The following LMF1 variants were observed in gnomAD, a reference collection of about 807,000 sequenced individuals.
The protein encoded by LMF1 is lipase maturation factor 1.
Under a neutral mutation model 60.6 loss-of-function variants are expected in LMF1, and 68 were observed. That is an observed-to-expected ratio of 1.12 (90% CI 0.92 to 1.37). The LOEUF is 1.37. LMF1 is among the 40% of genes most tolerant of loss of function. The pLI, the probability that LMF1 is intolerant of heterozygous loss-of-function variation, is 0.00. For synonymous variants in LMF1, 418 were observed against 324.7 expected, an observed-to-expected ratio of 1.29 and a Z score of -3.09; for missense variants, 948 against 767.2, an observed-to-expected ratio of 1.24 and a Z score of -2.78.
In LMF1 at chr16:897,828, T is replaced by C. The variant is rs181080756; in HGVS notation, c.664-4756A>G. ...GTCCCGCCTGGCTCCGTGGCTTTCC[T>C]GTCTTCCTGGGATGGTTTCCGCACT... On this transcript the variant is annotated intron_variant, in intron 4 of 10. Coordinates refer to ENST00000262301, the MANE Select transcript of LMF1 (RefSeq NM_022773.4). This position sits in a 1 kb window ranked among gnomAD's most constrained non-coding sequence, Gnocchi z 4.3. 2.1e-3 allele frequency among the ~76,000 whole-genome samples: 326 copies of C among 152,314 alleles called. No individual in the cohort carries two copies. The highest frequency in any genetic ancestry group is 7.5e-3 in the African/African-American group (310 of 41,570).
intron 5 of LMF1, among the ~76,000 whole-genome samples, chr16:889,729 G>A (rs1174368970): frequency 6.6e-6 from 1 of 152,188 alleles, no homozygotes; most frequent in Non-Finnish European, 1.5e-5. Context: ...GCAGGCAGGG[G>A]CCTGCCACCT....
chr16:968,220 C>T (rs1345169989), intron 1 of LMF1, among the ~76,000 whole-genome samples: 2 of 152,222 alleles, frequency 1.3e-5, no homozygotes, highest in Non-Finnish European at 2.9e-5. Context: ...TGGCAGCCGG[C>T]CTCTCCAGGT....
At chr16:979,912 G>A (rs3809673) in intron 1 of LMF1, 15,163 of 374,450 alleles carry the variant, frequency 0.04, 389 homozygotes, top group East Asian at 0.047. Context: ...TGAGGGCCAC[G>A]GAAGGATGCG....
chr16:973,351 AT>A (rs2073082793), upstream of LMF1, among the ~76,000 whole-genome samples: 1 of 152,156 alleles, frequency 6.6e-6, no homozygotes, highest in Non-Finnish European at 1.5e-5. Flanking sequence ...TCTCACTAAA[AT>A]AAAACATAAA....
chr16:934,650 T>G (rs1450252614), intron 2 of LMF1, among the ~76,000 whole-genome samples: 3 of 152,248 alleles, frequency 2.0e-5, no homozygotes, highest in Non-Finnish European at 4.4e-5. Flanking sequence ...AAAGGGATCT[T>G]AAATGAAAGG....
intron 1 of LMF1, chr16:979,592 G>A: frequency 2.2e-6 from 1 of 453,404 alleles, no homozygotes; most frequent in Non-Finnish European, 4.4e-6. Flanking sequence ...GGGTGCTGGA[G>A]TTCCCCACCT....
chr16:867,957 C>T (rs1301964429), intron 10 of LMF1, among the ~76,000 whole-genome samples: 3 of 152,196 alleles, frequency 2.0e-5, no homozygotes, highest in Non-Finnish European at 4.4e-5. Flanking sequence ...TGAGCAACTC[C>T]AGAGGGTGCA....
chr16:948,405 CAG>C (rs2072310829), intron 2 of LMF1, among the ~76,000 whole-genome samples: 1 of 149,654 alleles, frequency 6.7e-6, no homozygotes, highest in African/African-American at 2.4e-5. Context: ...CAGCCAACGA[CAG>C]AGTCAAAGCC....
At chr16:944,271 T>C (rs2072182597) in intron 2 of LMF1, among the ~76,000 whole-genome samples, 3 of 149,178 alleles carry the variant, frequency 2.0e-5, no homozygotes, top group African/African-American at 7.6e-5. Flanking sequence ...CCTCAAAGAC[T>C]CTACCCGCCA....
intron 4 of LMF1, chr16:893,391 A>G: frequency 2.0e-6 from 1 of 492,082 alleles, no homozygotes; most frequent in South Asian, 1.5e-5. Context: ...GTCTTTAAAG[A>G]GGACAAATGC....
chr16:949,330 C>A (rs2072365895), intron 2 of LMF1, among the ~76,000 whole-genome samples: 1 of 147,600 alleles, frequency 6.8e-6, no homozygotes, highest in Non-Finnish European at 1.5e-5. Context: ...CAGCCAACGA[C>A]AGAGTCAGCC....
chr16:881,913 G>C (rs571447822), intron 5 of LMF1, among the ~76,000 whole-genome samples: 1 of 152,192 alleles, frequency 6.6e-6, no homozygotes, highest in African/African-American at 2.4e-5. Flanking sequence ...GAGCTCTGAC[G>C]GGGAGGGGAG....
intron 3 of LMF1, among the ~76,000 whole-genome samples, chr16:932,748 C>T (rs1232931082): frequency 6.6e-6 from 1 of 152,146 alleles, no homozygotes; most frequent in Non-Finnish European, 1.5e-5. Context: ...ATAAAATTTA[C>T]TAAGAAAAGA....
chr16:933,078 A>C (rs975619008), intron 3 of LMF1: 15 of 152,260 alleles, frequency 9.9e-5, no homozygotes, highest in African/African-American at 3.6e-4. Flanking sequence ...TTCCTGAAAT[A>C]ATTCCTTGCT....
chr16:865,331 G>A (rs746721425), intron 10 of LMF1, among the ~76,000 whole-genome samples: 6 of 152,150 alleles, frequency 3.9e-5, no homozygotes, highest in Admixed American at 2.0e-4. Context: ...GAGAAGGAAC[G>A]TCTATTGTAT....
intron 1 of LMF1, among the ~76,000 whole-genome samples, chr16:969,658 C>T (rs1246082955): frequency 2.0e-5 from 3 of 152,356 alleles, no homozygotes; most frequent in South Asian, 4.1e-4. Flanking sequence ...ACAACCAACG[C>T]GTGGGCAACG....
At chr16:933,880 G>A (rs559688961) in intron 3 of LMF1, 243 of 1,082,046 alleles carry the variant, frequency 2.2e-4, no homozygotes, top group South Asian at 1.8e-3. Flanking sequence ...CGTGAGTGCC[G>A]TGAGCACCGT....
At position 866,882 on chromosome 16, in the gene LMF1, C is replaced by T. The variant is rs999043117; in HGVS notation, c.1529+2062G>A. On this transcript the variant is annotated intron_variant, in intron 10 of 10. Coordinates refer to ENST00000262301, the MANE Select transcript of LMF1 (RefSeq NM_022773.4). ...AAATGAGGCCGAAAGCAAGCCTAGGCGATCACCACCATTTTGGGGCTGTGG... is the reference window on the plus strand; with the variant it reads ...AAATGAGGCCGAAAGCAAGCCTAGGTGATCACCACCATTTTGGGGCTGTGG... Among the ~76,000 whole-genome samples the T allele has an allele frequency of 1.1e-4, 16 of 152,328 alleles. 1 individual carries two copies. The highest frequency in any genetic ancestry group is 2.9e-4 in the African/African-American group (12 of 41,574).
intron 4 of LMF1, chr16:902,508 T>G (rs1380265888): frequency 6.4e-6 from 1 of 155,490 alleles, no homozygotes; most frequent in Non-Finnish European, 1.4e-5. Flanking sequence ...TTTCCAGGGC[T>G]CAAAGCACAT....
Sources: allele counts gnomAD v4.1 joint callset (sites outside exome capture counted in the v4.1 genomes callset), GRCh38; gene constraint gnomAD v4.1.1; non-coding constraint Gnocchi (gnomAD v3.1); transcripts MANE v1.5; gene names NCBI Gene and HGNC (gene_info 2026-07-23, HGNC 2026-07-21).